The following TTC7A variants were observed in gnomAD, a reference collection of about 807,000 sequenced individuals.
TTC7A encodes tetratricopeptide repeat domain 7A.
Under a neutral mutation model 103.7 loss-of-function variants are expected in TTC7A, and 110 were observed. The ratio of observed to expected loss-of-function variants is 1.06; its 90% CI spans 0.91 to 1.24. The LOEUF is 1.24. TTC7A is among the 50% of genes most tolerant of loss of function. TTC7A has a pLI of 0.00. For missense variants in TTC7A, 1,340 were observed against 1,116.3 expected (o/e 1.20, Z -2.86); for synonymous variants, 521 against 467.9 (o/e 1.11, Z -1.47).
chr2:47,002,261 G>A (rs1480175328), intron 8 of TTC7A, among the ~76,000 whole-genome samples: 4 of 152,200 alleles, frequency 2.6e-5, no homozygotes, highest in African/African-American at 9.7e-5. Flanking sequence ...CATCCCCAGC[G>A]CTGGGCAGCC....
chr2:47,059,528 T>C (rs985584300), intron 18 of TTC7A, among the ~76,000 whole-genome samples: 8 of 152,034 alleles, frequency 5.3e-5, no homozygotes, highest in African/African-American at 1.9e-4. Flanking sequence ...TCCCACCCCA[T>C]CCTTGGCAGG....
Position 47,073,876 on chromosome 2 carries a change from G to A in TTC7A, c.2530G>A (p.Ala844Thr). Reference sequence around the variant, plus strand: ...CTTCCTCACCGCCCTTGAGCTGGAGGCCAGCAGCCCTGTACTGCCCTTCTC... The same window carrying A: ...CTTCCTCACCGCCCTTGAGCTGGAGACCAGCAGCCCTGTACTGCCCTTCTC... Reference protein sequence around the residue: ...DCFLTALELEASSPVLPFSII... With the variant: ...DCFLTALELETSSPVLPFSII... Residue 844 changes from alanine (A) to threonine (T), a missense_variant, in exon 20 of 20, where the codon GCC (alanine) becomes ACC (threonine). Ala to Thr is a moderately conservative substitution (Grantham distance 58). Transcript: ENST00000319190. The A allele has an allele frequency of 1.9e-6, 3 of 1,613,490 alleles. No homozygotes were observed. The highest frequency in any genetic ancestry group is 2.2e-5 in the South Asian group (2 of 91,054).
chr2:47,037,290 A>G (rs1355631584), intron 15 of TTC7A, among the ~76,000 whole-genome samples: 1 of 152,202 alleles, frequency 6.6e-6, no homozygotes, highest in Non-Finnish European at 1.5e-5. Flanking sequence ...CCCCCATGGT[A>G]GGGAAACCCC....
At chr2:47,069,121 G>C (rs1290484223) in intron 19 of TTC7A, among the ~76,000 whole-genome samples, 1 of 152,112 alleles carries the variant, frequency 6.6e-6, no homozygotes, top group Admixed American at 6.5e-5. Flanking sequence ...GGGCCAGGCA[G>C]TGCTCCAGGA....
In TTC7A at chr2:46,995,160, C is replaced by G. The variant is rs151317740; in HGVS notation, c.1026C>G (p.Ile342Met). ...GDNLYCPKDN[I>M]EEALLLLLIS... is the part of the protein sequence containing the mutation. ...GCCTCTACTGCCCCAAGGACAACAT[C>G]GAGGAAGCCCTCCTGCTCCTCCTCA... is the stretch of plus-strand genomic sequence containing the variant. Residue 342 changes from isoleucine (I) to methionine (M), a missense_variant, in exon 8 of 20, where the codon ATC becomes ATG. Ile to Met is a conservative substitution (Grantham distance 10). Transcript: ENST00000319190. 1,098 of 1,614,052 alleles carry G rather than the reference C, an allele frequency of 6.8e-4. 1 individual carries two copies. The highest frequency in any genetic ancestry group is 8.4e-4 in the Non-Finnish European group (997 of 1,180,026).
At position 46,982,334 on chromosome 2, in the gene TTC7A, A is replaced by T. The variant is rs1179934129; in HGVS notation, c.764+3427A>T. On this transcript the variant is annotated intron_variant, in intron 5 of 19. Transcript: ENST00000319190. The stretch of plus-strand genomic sequence containing the variant: ...GGTTTCTGTGAGCTGTGATTGTGCC[A>T]CTGCACTACAGCCTGAGCAGCAGAG... Among the ~76,000 whole-genome samples the T allele has an allele frequency of 3.9e-5, 6 of 152,126 alleles. No homozygotes were observed. The East Asian group carries it at 1.2e-3, about 29-fold the overall frequency.
At chr2:46,919,426 G>A (rs534690884) in intron 2 of TTC7A, among the ~76,000 whole-genome samples, 38 of 152,272 alleles carry the variant, frequency 2.5e-4, no homozygotes, top group African/African-American at 7.2e-4. Flanking sequence ...CCAGATACTC[G>A]GGAGGCTGAA....
intron 2 of TTC7A, among the ~76,000 whole-genome samples, chr2:46,933,558 G>A (rs1180185746): frequency 6.6e-6 from 1 of 152,178 alleles, no homozygotes; most frequent in African/African-American, 2.4e-5. Flanking sequence ...CAACATTCTG[G>A]GAGGGCTGGT....
chr2:46,990,038 A>G (rs999544562), intron 5 of TTC7A, among the ~76,000 whole-genome samples: 2 of 152,212 alleles, frequency 1.3e-5, no homozygotes, highest in Non-Finnish European at 2.9e-5. Context: ...TCTTGGTAGC[A>G]GGTGCCAGGA....
At chr2:46,957,783 T>C (rs1043076487) in intron 3 of TTC7A, among the ~76,000 whole-genome samples, 1 of 152,208 alleles carries the variant, frequency 6.6e-6, no homozygotes, top group African/African-American at 2.4e-5. Flanking sequence ...GGAGCCCCTC[T>C]GCCCAGCCTG....
rs565292434 is a variant in TTC7A at position 46,975,025 on chromosome 2, A to G, written c.570A>G (p.Thr190=). 278 of 1,613,954 alleles carry G rather than the reference A, an allele frequency of 1.7e-4. 6 individuals carry two copies. In the South Asian group the frequency reaches 2.9e-3, roughly 17 times the overall value. ...PNSIASRFRL[T]EREEEVITCF... ...CCATCGCCTCCCGCTTCCGCCTGAC[A>G]GAGAGGGAGGAGGAAGTGATCACCT... Residue 190 remains threonine (T), a synonymous_variant, in exon 4 of 20, where the codon ACA becomes ACG. Coordinates refer to ENST00000319190, the MANE Select transcript of TTC7A (RefSeq NM_020458.4).
chr2:47,041,950 T>C lies in TTC7A; in HGVS notation c.1803-4365T>C, dbSNP rs542224019. On this transcript the variant is annotated intron_variant, in intron 15 of 19. Coordinates refer to ENST00000319190, the MANE Select transcript of TTC7A (RefSeq NM_020458.4). ...AAAAACGTATTTAATTATATACGTA[T>C]GCACAGAAGTCCCACCAAGTATGAG... Among the ~76,000 whole-genome samples the C allele has an allele frequency of 2.0e-5, 3 of 152,214 alleles. No individual in the cohort carries two copies. In the South Asian group the frequency reaches 6.2e-4, roughly 32 times the overall value.
At chr2:46,940,366 C>T (rs1315724113), upstream of TTC7A, among the ~76,000 whole-genome samples, 1 of 152,150 alleles carries the variant, frequency 6.6e-6, no homozygotes, top group Admixed American at 6.5e-5. This position sits in a 1 kb window ranked among gnomAD's most constrained non-coding sequence, Gnocchi z 4.7. Flanking sequence ...GCTGTGGCTT[C>T]TCCAGCACTG....
chr2:46,969,086 A>T (rs1473215746), intron 3 of TTC7A, among the ~76,000 whole-genome samples: 1 of 151,944 alleles, frequency 6.6e-6, no homozygotes, highest in African/African-American at 2.4e-5. Flanking sequence ...ATTGATATAG[A>T]TTAATTTGCT....
chr2:46,966,772 G>A (rs1421869956), intron 3 of TTC7A, among the ~76,000 whole-genome samples: 3 of 142,434 alleles, frequency 2.1e-5, no homozygotes, highest in Non-Finnish European at 4.5e-5. Flanking sequence ...GATTACAGGT[G>A]TGAGTCACCA....
At chr2:47,036,956 G>C (rs1681178865) in intron 15 of TTC7A, among the ~76,000 whole-genome samples, 1 of 152,206 alleles carries the variant, frequency 6.6e-6, no homozygotes. Context: ...CCAGGGTCTG[G>C]GTGATCACAC....
At chr2:46,944,088 G>A (rs1043505298) in intron 1 of TTC7A, among the ~76,000 whole-genome samples, 6 of 152,100 alleles carry the variant, frequency 3.9e-5, no homozygotes, top group South Asian at 2.1e-4. Flanking sequence ...ACTCACATCC[G>A]GTCTAGATTA....
intron 14 of TTC7A, among the ~76,000 whole-genome samples, chr2:47,028,656 C>G (rs770684059): frequency 6.6e-6 from 1 of 152,242 alleles, no homozygotes; most frequent in African/African-American, 2.4e-5. Context: ...CCTGCATAAT[C>G]TGGCCTCATC....
At chr2:47,046,566 C>G in intron 16 of TTC7A, 135 bp downstream of exon 16, 1 of 685,206 alleles carries the variant, frequency 1.5e-6, no homozygotes, top group African/African-American at 1.8e-5. Flanking sequence ...AACTTCCTGC[C>G]CACAGAGCTT....
Sources: gnomAD v4.1 joint callset for allele counts (sites outside exome capture counted in the v4.1 genomes callset) on GRCh38, gnomAD v4.1.1 for gene constraint, Gnocchi (gnomAD v3.1) non-coding constraint, MANE v1.5 for transcripts, NCBI Gene and HGNC (gene_info 2026-07-23, HGNC 2026-07-21) for gene names.